IRAK1BP1: variants seen among roughly 807,000 people sequenced by gnomAD.
IRAK1BP1 encodes the protein interleukin-1 receptor-associated kinase 1-binding protein 1.
A neutral mutation model predicts 28.0 loss-of-function variants in IRAK1BP1; 24 were observed. That is an observed-to-expected ratio of 0.86 (90% CI 0.62 to 1.20). The LOEUF is 1.20. Ranked by LOEUF, IRAK1BP1 falls within the 50% of genes most tolerant of loss-of-function variation. The probability of loss-of-function intolerance (pLI) is 0.00; values close to 1 mark genes in which losing one functional copy is unlikely to be tolerated. For synonymous variants in IRAK1BP1, 131 were observed against 116.3 expected, an observed-to-expected ratio of 1.13 and a Z score of -0.81; for missense variants, 336 against 316.7, an observed-to-expected ratio of 1.06 and a Z score of -0.46.
Position 78,898,220 on chromosome 6 carries a change from C to G in IRAK1BP1, c.669C>G (p.Leu223=). Residue 223 remains leucine (L), a synonymous_variant, in exon 4 of 4, where the codon CTC becomes CTG. Coordinates refer to ENST00000369940, the MANE Select transcript of IRAK1BP1 (RefSeq NM_001010844.4). ...TAGATGATCACCAGTCATCCAGACT[C>G]TCAAGTTCATTAACTGTACAACAAA... The part of the protein sequence containing the change: ...GQIDDHQSSR[L]SSSLTVQQKI... 6.2e-7 allele frequency: 1 copy of G among 1,613,450 alleles called. No homozygotes were observed. Among genetic ancestry groups the G allele is most frequent in the Non-Finnish European group, 8.5e-7 (1 of 1,179,832 alleles).
intron 4 of IRAK1BP1, among the ~76,000 whole-genome samples, chr6:78,922,951 A>G (rs1323588025): frequency 2.0e-5 from 3 of 152,238 alleles, no homozygotes; most frequent in African/African-American, 7.2e-5. Context: ...AACAATCGGT[A>G]CCAGCCACTG....
chr6:78,884,716 C>T (rs540025631), intron 1 of IRAK1BP1, among the ~76,000 whole-genome samples: 4 of 151,924 alleles, frequency 2.6e-5, no homozygotes, highest in African/African-American at 7.2e-5. Context: ...AGTAACTTGC[C>T]CAGAGTTGCA....
At chr6:78,965,569 A>G in the IRAK1BP1 span, 1 of 603,560 alleles carries the variant, frequency 1.7e-6, no homozygotes, top group Non-Finnish European at 3.0e-6. Flanking sequence ...GGTGTACAAT[A>G]ATAAATATTT....
intron 4 of IRAK1BP1, among the ~76,000 whole-genome samples, chr6:78,919,505 G>T (rs560009496): frequency 2.6e-5 from 4 of 152,170 alleles, no homozygotes; most frequent in African/African-American, 9.6e-5. Flanking sequence ...AAATTACAAA[G>T]GTGACATTAC....
At chr6:78,970,012 T>TA in the IRAK1BP1 span, 2 of 1,608,500 alleles carry the variant, frequency 1.2e-6, no homozygotes, top group Admixed American at 3.4e-5. Context: ...CAATCTACAA[T>TA]ACTAAGAAAA....
downstream of IRAK1BP1, among the ~76,000 whole-genome samples, chr6:78,951,116 G>T (rs1774116635): frequency 6.6e-6 from 1 of 152,024 alleles, no homozygotes; most frequent in Non-Finnish European, 1.5e-5. Flanking sequence ...TTAGAGGTGG[G>T]CTCTTTCGTT....
intron 2 of IRAK1BP1, 102 bp downstream of exon 2, chr6:78,885,545 A>G (rs1032646658): frequency 5.4e-6 from 3 of 551,554 alleles, no homozygotes; most frequent in Non-Finnish European, 9.7e-6. Flanking sequence ...TCATGATATT[A>G]ATAGAAGATT....
intron 4 of IRAK1BP1, among the ~76,000 whole-genome samples, chr6:78,923,062 C>A (rs1033536474): frequency 6.6e-6 from 1 of 152,166 alleles, no homozygotes; most frequent in Non-Finnish European, 1.5e-5. Flanking sequence ...GGATCAAATT[C>A]ACACATAACA....
In IRAK1BP1 at chr6:78,877,410, A is replaced by G. The variant is rs530938971; in HGVS notation, c.316-7968A>G. On this transcript the variant is annotated intron_variant, in intron 1 of 3. Coordinates refer to ENST00000369940, the MANE Select transcript of IRAK1BP1 (RefSeq NM_001010844.4). ...AATATTATTTAGAATTTCAAAATAT[A>G]TCAGATATTTTACTATATAGAGAAG... Among the ~76,000 whole-genome samples the G allele has an allele frequency of 5.8e-4, 89 of 152,312 alleles. 2 individuals are homozygous for G. In the South Asian group the frequency reaches 0.017, roughly 30 times the overall value.
At chr6:78,876,696 A>G (rs1053039648) in intron 1 of IRAK1BP1, among the ~76,000 whole-genome samples, 1 of 152,136 alleles carries the variant, frequency 6.6e-6, no homozygotes, top group Non-Finnish European at 1.5e-5. Context: ...GAAACTGTTC[A>G]AGTTTTAAAA....
At chr6:78,880,115 T>C (rs1039922650) in intron 1 of IRAK1BP1, among the ~76,000 whole-genome samples, 1 of 152,072 alleles carries the variant, frequency 6.6e-6, no homozygotes, top group Admixed American at 6.6e-5. Flanking sequence ...AACACAAAAC[T>C]TCTAGAAAAA....
At chr6:78,883,493 AAG>A (rs1163597093) in intron 1 of IRAK1BP1, among the ~76,000 whole-genome samples, 1 of 152,194 alleles carries the variant, frequency 6.6e-6, no homozygotes, top group East Asian at 1.9e-4. Context: ...ATAGCAATAA[AAG>A]ATACTTTTCT....
At chr6:78,881,000 A>G (rs1005432038) in intron 1 of IRAK1BP1, among the ~76,000 whole-genome samples, 4 of 152,326 alleles carry the variant, frequency 2.6e-5, no homozygotes, top group Admixed American at 2.0e-4. Context: ...GACTTACCAT[A>G]GAAGTCAGCA....
the IRAK1BP1 span, among the ~76,000 whole-genome samples, chr6:78,972,241 C>T: frequency 2.0e-5 from 3 of 152,208 alleles, no homozygotes; most frequent in African/African-American, 7.2e-5. Context: ...AGCAGCCTAA[C>T]TGGGAGGCAC....
In IRAK1BP1 at chr6:78,899,573, A is replaced by G. The variant is rs989774219; in HGVS notation, c.*1239A>G. 1.3e-5 allele frequency: 2 copies of G among 152,062 alleles called. No individual in the cohort carries two copies. The highest frequency in any genetic ancestry group is 1.9e-4 in the East Asian group (1 of 5,172). The allele number at this position is 152,062 out of a possible 1,614,324, so 9.4% of individuals were successfully genotyped here. ...TGTAATTTAAAATTTCCTAGTGCAC[A>G]TGTTTTTTTATTTTTCTTTTTCGAG... is the stretch of plus-strand genomic sequence containing the variant. On this transcript the variant is annotated 3_prime_UTR_variant, in exon 4 of 4. Coordinates refer to ENST00000369940, the MANE Select transcript of IRAK1BP1 (RefSeq NM_001010844.4).
At chr6:78,910,381 C>T (rs913626741) in intron 4 of IRAK1BP1, among the ~76,000 whole-genome samples, 3 of 152,178 alleles carry the variant, frequency 2.0e-5, no homozygotes, top group African/African-American at 7.2e-5. Context: ...TTGGAATATT[C>T]AAGGGAAATA....
the IRAK1BP1 span, chr6:78,962,977 ATG>A: frequency 1.3e-6 from 1 of 744,740 alleles, no homozygotes; most frequent in African/African-American, 1.8e-5. Context: ...TCCACTTAAA[ATG>A]TCTGAAACCA....
chr6:78,895,638 A>T (rs1173283081), intron 2 of IRAK1BP1, among the ~76,000 whole-genome samples: 2 of 152,222 alleles, frequency 1.3e-5, no homozygotes, highest in African/African-American at 4.8e-5. Flanking sequence ...ACTGAAAAAA[A>T]TCACATGATT....
the IRAK1BP1 span, among the ~76,000 whole-genome samples, chr6:78,966,550 TACTC>T: frequency 2.4e-4 from 37 of 152,142 alleles, no homozygotes; most frequent in Non-Finnish European, 5.0e-4. Context: ...TCACCCTTAA[TACTC>T]ACTCACTCTC....
Sources: gnomAD v4.1 joint callset for allele counts (sites outside exome capture counted in the v4.1 genomes callset) on GRCh38, gnomAD v4.1.1 for gene constraint, MANE v1.5 for transcripts, NCBI Gene and HGNC (gene_info 2026-07-23, HGNC 2026-07-21) for gene names.